MCC: variants seen among roughly 807,000 people sequenced by gnomAD.
MCC encodes the protein MCC regulator of Wnt signaling pathway, also known as colorectal mutant cancer protein.
In MCC, 90 loss-of-function variants were observed where a neutral mutation model predicts 116.2. The ratio of observed to expected loss-of-function variants is 0.77; its 90% CI spans 0.65 to 0.92. MCC has a LOEUF of 0.92. Ranked by LOEUF, MCC falls within the 40% of genes least tolerant of loss-of-function variation. MCC has a pLI of 0.00. For synonymous variants in MCC, 578 were observed against 510.5 expected (o/e 1.13, Z -1.78); for missense variants, 1,516 against 1,312.2 (o/e 1.16, Z -2.40).
chr5:113,076,065 C>G (rs1161044012), intron 11 of MCC, among the ~76,000 whole-genome samples: 1 of 152,188 alleles, frequency 6.6e-6, no homozygotes, highest in Non-Finnish European at 1.5e-5. Context: ...GACACACCAT[C>G]TTTAAGAACT....
At chr5:113,032,408 CAAA>C (rs376957827) in intron 17 of MCC, among the ~76,000 whole-genome samples, 2 of 63,346 alleles carry the variant, frequency 3.2e-5, no homozygotes, top group Admixed American at 1.6e-4. Flanking sequence ...AACTCTGTAT[CAAA>C]AAAAAAAAAA....
intron 3 of MCC, among the ~76,000 whole-genome samples, chr5:113,155,767 G>GA (rs1423418876): frequency 1.3e-5 from 2 of 152,178 alleles, no homozygotes. Context: ...ATGCTGTTTA[G>GA]AGTCTGTGCT....
chr5:113,137,075 A>T (rs568850219), intron 5 of MCC, among the ~76,000 whole-genome samples: 4 of 152,306 alleles, frequency 2.6e-5, no homozygotes, highest in South Asian at 4.2e-4. Context: ...AGACTGGGTA[A>T]CTTATAAAGG....
intron 3 of MCC, among the ~76,000 whole-genome samples, chr5:113,239,236 G>GT (rs1463055573): frequency 6.6e-6 from 1 of 152,164 alleles, no homozygotes; most frequent in Non-Finnish European, 1.5e-5. Flanking sequence ...CTGATGACAA[G>GT]ATCTCTTTAG....
intron 17 of MCC, among the ~76,000 whole-genome samples, chr5:113,029,849 C>T (rs760737160): frequency 3.3e-5 from 5 of 152,220 alleles, no homozygotes; most frequent in Non-Finnish European, 7.3e-5. Context: ...CTTAGTAGCA[C>T]ACTCAGCACT....
At chr5:113,339,019 G>C (rs1377285949) in intron 3 of MCC, among the ~76,000 whole-genome samples, 1 of 151,544 alleles carries the variant, frequency 6.6e-6, no homozygotes, top group Non-Finnish European at 1.5e-5. Flanking sequence ...TCAGGAGTTC[G>C]AGACCAGCCT....
chr5:113,419,161 T>C (rs867439255), intron 1 of MCC, among the ~76,000 whole-genome samples: 9 of 150,968 alleles, frequency 6.0e-5, no homozygotes, highest in Non-Finnish European at 1.2e-4. Flanking sequence ...ATATTCTTTT[T>C]TTTCTTTCTT....
intron 1 of MCC, among the ~76,000 whole-genome samples, chr5:113,410,998 G>T (rs1188745305): frequency 4.6e-5 from 7 of 152,112 alleles, no homozygotes; most frequent in Non-Finnish European, 5.9e-5. Context: ...TCTTAATCCA[G>T]TCTATCATTG....
rs543066606 is a variant in MCC, at chr5:113,138,277, C to T, written c.884+4941G>A. 1.6e-3 allele frequency among the ~76,000 whole-genome samples: 241 copies of T among 152,288 alleles called. 1 individual carries two copies. Among genetic ancestry groups the T allele is most frequent in the Non-Finnish European group, 3.0e-3 (204 of 68,022 alleles). Reference sequence around the variant, plus strand: ...CTGCCTGCCTCAGCCTCCCAAAGTGCTGGGATTATAGGCATGAGCCACCAC... The same window carrying T: ...CTGCCTGCCTCAGCCTCCCAAAGTGTTGGGATTATAGGCATGAGCCACCAC... On this transcript the variant is annotated intron_variant, in intron 5 of 18. Transcript: ENST00000408903.
At chr5:113,057,016 G>C (rs939560222) in intron 14 of MCC, among the ~76,000 whole-genome samples, 14 of 152,122 alleles carry the variant, frequency 9.2e-5, no homozygotes, top group African/African-American at 3.4e-4. Context: ...GTGTGATCCA[G>C]TGACATCAGG....
At chr5:113,075,506 G>C (rs183719955) in intron 11 of MCC, among the ~76,000 whole-genome samples, 2 of 152,206 alleles carry the variant, frequency 1.3e-5, no homozygotes, top group South Asian at 4.1e-4. Flanking sequence ...CTCTTGAGTC[G>C]GGTGGGGTCT....
chr5:113,294,584 G>C, intron 3 of MCC: 1 of 1,254,292 alleles, frequency 8.0e-7, no homozygotes, highest in Non-Finnish European at 1.0e-6. Flanking sequence ...GCGTTTCACG[G>C]ACGAGCCATT....
At chr5:113,139,373 C>A (rs7725873) in intron 5 of MCC, among the ~76,000 whole-genome samples, 2 of 152,054 alleles carry the variant, frequency 1.3e-5, no homozygotes, top group African/African-American at 4.8e-5. Flanking sequence ...GTAACATACT[C>A]AATCCAGAAT....
At chr5:113,444,586 C>T (rs570066376) in intron 1 of MCC, among the ~76,000 whole-genome samples, 16 of 152,204 alleles carry the variant, frequency 1.1e-4, no homozygotes, top group South Asian at 2.1e-4. Flanking sequence ...AAGGGTAGAT[C>T]GCCACCTACG....
At chr5:113,452,319 G>C (rs1018037961) in intron 1 of MCC, among the ~76,000 whole-genome samples, 2 of 152,234 alleles carry the variant, frequency 1.3e-5, no homozygotes, top group Admixed American at 6.5e-5. Context: ...TGTGGTCTCA[G>C]TGTTTGTGTC....
chr5:113,073,257 G>T (rs1754169109), intron 11 of MCC, among the ~76,000 whole-genome samples: 1 of 152,078 alleles, frequency 6.6e-6, no homozygotes, highest in African/African-American at 2.4e-5. Flanking sequence ...GTGCAACCCA[G>T]CTGCAGTTTC....
intron 14 of MCC, among the ~76,000 whole-genome samples, chr5:113,059,045 C>T (rs1046119829): frequency 2.0e-5 from 3 of 152,198 alleles, no homozygotes; most frequent in South Asian, 2.1e-4. Flanking sequence ...GACTGACAGG[C>T]GCTGCCACCC....
chr5:113,307,639 T>G (rs771310568), intron 3 of MCC, among the ~76,000 whole-genome samples: 2 of 152,208 alleles, frequency 1.3e-5, no homozygotes, highest in Non-Finnish European at 2.9e-5. Context: ...TATTTCTTTT[T>G]CTTATTTAGC....
intron 5 of MCC, among the ~76,000 whole-genome samples, chr5:113,132,417 T>TAC (rs1391358885): frequency 9.9e-5 from 12 of 121,282 alleles, no homozygotes; most frequent in South Asian, 2.7e-4. Flanking sequence ...CATATATATA[T>TAC]ACACACATAC....
Sources: gnomAD v4.1 joint callset for allele counts (sites outside exome capture counted in the v4.1 genomes callset) on GRCh38, gnomAD v4.1.1 for gene constraint, MANE v1.5 for transcripts, NCBI Gene and HGNC (gene_info 2026-07-23, HGNC 2026-07-21) for gene names.